Variants in UPF1 observed in about 807,000 individuals in gnomAD.
The protein encoded by UPF1 is UPF1 RNA helicase and ATPase.
A neutral mutation model predicts 129.2 loss-of-function variants in UPF1; 9 were observed. That is an observed-to-expected ratio of 0.07 (90% CI 0.04 to 0.12). The LOEUF is 0.12. UPF1 is among the 10% of genes least tolerant of loss of function. The pLI, the probability that UPF1 is intolerant of heterozygous loss-of-function variation, is 1.00. For missense variants in UPF1, 788 were observed against 1,525.3 expected (o/e 0.52, Z 8.05); for synonymous variants, 649 against 644.9 (o/e 1.01, Z -0.10).
Position 18,853,042 on chromosome 19 carries a change from C to T in UPF1, c.1028C>T (p.Ala343Val). ...WDLGLNKKRI[A>V]YFTLPKTDSD... is the part of the protein sequence containing the mutation. ...CTGGGCCTTAACAAGAAGAGAATCG[C>T]CTACTTCACTTTGCCCAAGACTGAC... is the stretch of plus-strand genomic sequence containing the variant. Residue 343 changes from alanine to valine, a missense_variant, in exon 7 of 24, where the codon GCC (alanine) becomes GTC (valine). By Grantham distance (64) the Ala-to-Val change is moderately conservative. Around this residue, in one of 6 missense-constraint regions of UPF1, gnomAD observed 227 missense variants for 517.9 expected, o/e 0.44. Transcript: ENST00000262803. The surrounding 1 kb of genome is among the most constrained non-coding windows in gnomAD (Gnocchi z 4.4). 6.2e-7 allele frequency: 1 copy of T among 1,614,092 alleles called. No individual in the cohort carries two copies. The highest frequency in any genetic ancestry group is 8.5e-7 in the Non-Finnish European group (1 of 1,180,014).
intron 2 of UPF1, 39 bp from the exon 3 acceptor site, chr19:18,847,705 A>C: frequency 6.3e-7 from 1 of 1,595,812 alleles, no homozygotes; most frequent in Non-Finnish European, 8.6e-7. Flanking sequence ...ACCAGAGAGC[A>C]AGCTTCCAGC....
At chr19:18,835,788 A>C (rs992218441) in intron 1 of UPF1, among the ~76,000 whole-genome samples, 7 of 152,170 alleles carry the variant, frequency 4.6e-5, no homozygotes. Flanking sequence ...TGCTGTGGCC[A>C]TGAGTGTACA....
chr19:18,838,524 T>A (rs535625424), intron 1 of UPF1, among the ~76,000 whole-genome samples: 41 of 152,286 alleles, frequency 2.7e-4, no homozygotes, highest in Non-Finnish European at 4.9e-4. Flanking sequence ...GGCACATGCC[T>A]GTAATCCCAG....
chr19:18,857,581 C>G, intron 15 of UPF1, 48 bp downstream of exon 15: 3 of 1,524,124 alleles, frequency 2.0e-6, no homozygotes, highest in Non-Finnish European at 2.6e-6. Context: ...GAAGCGGCAT[C>G]AAGGGAATGT....
chr19:18,863,929 G>T (rs748550626), intron 19 of UPF1, among the ~76,000 whole-genome samples: 2 of 152,150 alleles, frequency 1.3e-5, no homozygotes, highest in African/African-American at 2.4e-5. Flanking sequence ...TGGTAGTGAG[G>T]GGGTGTGAAG....
Position 18,860,853 on chromosome 19 carries a change from C to T in UPF1, c.2328C>T (p.Ile776=). ...NRTEAANVEK[I]TTKLLKAGAK... The stretch of plus-strand genomic sequence containing the variant: ...CCGAGGCTGCGAACGTGGAGAAGAT[C>T]ACCACGAAGTTGCTGAAGGCAGGCG... Residue 776 remains isoleucine, a synonymous_variant, in exon 17 of 24, where the codon ATC becomes ATT. Coordinates refer to ENST00000262803, the MANE Select transcript of UPF1 (RefSeq NM_002911.4). 3 of 1,612,216 alleles carry T rather than the reference C, an allele frequency of 1.9e-6. No homozygotes were observed. Among genetic ancestry groups the T allele is most frequent in the South Asian group, 1.1e-5 (1 of 90,792 alleles).
chr19:18,865,987 G>A lies in UPF1; in HGVS notation c.3238-57G>A, dbSNP rs1222591966. ...TTTTCTCTGGGGCTGCTGAGGGCTG[G>A]GTGGATGTGAGCACCCTTGGCCTGT... On this transcript the variant is annotated intron_variant, in intron 22 of 23. Coordinates refer to ENST00000262803, the MANE Select transcript of UPF1 (RefSeq NM_002911.4). The surrounding 1 kb of genome is among the most constrained non-coding windows in gnomAD (Gnocchi z 6.1). 2 of 1,608,820 alleles carry A rather than the reference G, an allele frequency of 1.2e-6. No homozygotes were observed. Among genetic ancestry groups the A allele is most frequent in the Admixed American group, 1.7e-5 (1 of 58,420 alleles).
At position 18,867,665 on chromosome 19, in the gene UPF1, G is replaced by C. The variant is rs1478911228; in HGVS notation, c.*1148G>C. The C allele has an allele frequency of 6.5e-6, 1 of 152,698 alleles. No homozygotes were observed. The highest frequency in any genetic ancestry group is 1.5e-5 in the Non-Finnish European group (1 of 68,432). The allele number at this position is 152,698 out of a possible 1,614,324, so 9.5% of individuals were successfully genotyped here. ...CTGATGGGGTGATTGCTGCTTCTGG[G>C]GGGTAAGGAAACAAGTTACAGAAAT... On this transcript the variant is annotated 3_prime_UTR_variant, in exon 24 of 24. Coordinates refer to ENST00000262803, the MANE Select transcript of UPF1 (RefSeq NM_002911.4).
Position 18,856,196 on chromosome 19 carries a change from C to G in UPF1, c.1720C>G (p.Leu574Val). The G allele has an allele frequency of 6.2e-7, 1 of 1,609,294 alleles. No individual in the cohort carries two copies. Among genetic ancestry groups the G allele is most frequent in the Non-Finnish European group, 8.5e-7 (1 of 1,176,264 alleles). Residue 574 changes from leucine (L) to valine (V), a missense_variant, in exon 13 of 24, where the codon CTG becomes GTG. Coordinates refer to ENST00000262803, the MANE Select transcript of UPF1 (RefSeq NM_002911.4). The part of the protein sequence containing the change: ...QIRNMDSMPE[L>V]QKLQQLKDET... Reference sequence around the variant, plus strand: ...TGCATGTGCTTCCAGCATGCCTGAGCTGCAGAAGCTGCAGCAGCTGAAAGA... The same window carrying G: ...TGCATGTGCTTCCAGCATGCCTGAGGTGCAGAAGCTGCAGCAGCTGAAAGA...
Position 18,853,332 on chromosome 19 carries a change from G to A in UPF1, c.1138G>A (p.Val380Ile). Residue 380 changes from valine to isoleucine, a missense_variant, in exon 8 of 24, where the codon GTC becomes ATC. Transcript: ENST00000262803. This position sits in a 1 kb window ranked among gnomAD's most constrained non-coding sequence, Gnocchi z 4.4. ...LAPLWKGIGH[V>I]IKVPDNYGDE... ...GCCCCTGTGGAAAGGGATCGGCCAC[G>A]TCATCAAGGTCCCTGATAGTATCCT... 1.2e-6 allele frequency: 2 copies of A among 1,611,402 alleles called. No individual in the cohort carries two copies. The highest frequency in any genetic ancestry group is 1.7e-6 in the Non-Finnish European group (2 of 1,178,572).
At position 18,855,043 on chromosome 19, in the gene UPF1, G is replaced by A. The variant is rs781590949; in HGVS notation, c.1425+5G>A. On this transcript the variant is annotated splice_donor_5th_base_variant and intron_variant, in intron 10 of 23. Coordinates refer to ENST00000262803, the MANE Select transcript of UPF1 (RefSeq NM_002911.4). The stretch of plus-strand genomic sequence containing the variant: ...CCCGACCTCAACCACTCCCAGGTGC[G>A]CGCCGTCCTCAGCGCGCGGGGCCTC... 1.9e-6 allele frequency: 3 copies of A among 1,613,594 alleles called. No homozygotes were observed.
chr19:18,845,209 C>T (rs1374041848), intron 1 of UPF1, among the ~76,000 whole-genome samples: 1 of 152,208 alleles, frequency 6.6e-6, no homozygotes, highest in Non-Finnish European at 1.5e-5. Context: ...TCTGCCATGA[C>T]ACAGTGCTCC....
chr19:18,836,914 C>T (rs1462766393), intron 1 of UPF1, among the ~76,000 whole-genome samples: 14 of 147,612 alleles, frequency 9.5e-5, no homozygotes, highest in Admixed American at 4.0e-4. Flanking sequence ...CTACCATGCC[C>T]GGCTAATTTT....
Position 18,856,298 on chromosome 19 carries a change from A to G in UPF1, c.1822A>G (p.Met608Val). 1 of 1,591,272 alleles carries G rather than the reference A, an allele frequency of 6.3e-7. No individual in the cohort carries two copies. The part of the protein sequence containing the change: ...LKRTAERELL[M>V]NADVICCTCV... ...GCGCACCGCAGAGAGAGAGCTGCTG[A>G]TGGTGAGTGCCCCTCCTGCCTGCAA... is the stretch of plus-strand genomic sequence containing the variant. The change falls in exon 13 of 24, where the codon ATG (methionine) becomes GTG (valine). Residue 608 changes from methionine to valine, a missense_variant and splice_region_variant. Around this residue, in one of 6 missense-constraint regions of UPF1, gnomAD observed 91 missense variants for 157.2 expected, o/e 0.58. Coordinates refer to ENST00000262803, the MANE Select transcript of UPF1 (RefSeq NM_002911.4).
In UPF1 at chr19:18,865,075, C is replaced by T. The variant is rs989303620; in HGVS notation, c.2858-214C>T. Among the ~76,000 whole-genome samples, 1 of 152,208 alleles carries T rather than the reference C, an allele frequency of 6.6e-6. No individual in the cohort carries two copies. The highest frequency in any genetic ancestry group is 6.5e-5 in the Admixed American group (1 of 15,282). On this transcript the variant is annotated intron_variant, in intron 20 of 23. Coordinates refer to ENST00000262803, the MANE Select transcript of UPF1 (RefSeq NM_002911.4). This position sits in a 1 kb window ranked among gnomAD's most constrained non-coding sequence, Gnocchi z 6.1. ...TAAGATCTGTGTAGGCCAATGATTC[C>T]CAGCAGACTCTCCTCGGGGAAGGTG...
chr19:18,855,929 G>T lies in UPF1; in HGVS notation c.1549G>T (p.Val517Leu). 6.2e-7 allele frequency: 1 copy of T among 1,613,730 alleles called. No individual in the cohort carries two copies. The highest frequency in any genetic ancestry group is 8.5e-7 in the Non-Finnish European group (1 of 1,180,004). ...YHLARQGNGP[V>L]LVCAPSNIAV... is the part of the protein sequence containing the mutation. Reference sequence around the variant, plus strand: ...GCTGCCCCAATGGTGTTGCAGGCCGGTGCTGGTGTGTGCTCCGAGCAACAT... The same window carrying T: ...GCTGCCCCAATGGTGTTGCAGGCCGTTGCTGGTGTGTGCTCCGAGCAACAT... Residue 517 changes from valine to leucine, a missense_variant, in exon 12 of 24, where the codon GTG becomes TTG. Val to Leu is a conservative substitution (Grantham distance 32). Transcript: ENST00000262803.
At position 18,867,029 on chromosome 19, in the gene UPF1, C is replaced by T. The variant is rs570444155; in HGVS notation, c.*512C>T. ...TCGCGCTGCCTGTGTTCTCCGAGGG[C>T]CTTCATTTAAAGAAAATAAGGGTGT... On this transcript the variant is annotated 3_prime_UTR_variant, in exon 24 of 24. Coordinates refer to ENST00000262803, the MANE Select transcript of UPF1 (RefSeq NM_002911.4). 11 of 152,642 alleles carry T rather than the reference C, an allele frequency of 7.2e-5. No homozygotes were observed. The highest frequency in any genetic ancestry group is 1.3e-4 in the Admixed American group (2 of 15,284). The allele number at this position is 152,642 out of a possible 1,614,324, so 9.5% of individuals were successfully genotyped here. A position where few individuals can be genotyped will look rare whatever the true frequency, so the allele number is the denominator to read the frequency against.
chr19:18,834,545 G>A (rs2055463429), intron 1 of UPF1, among the ~76,000 whole-genome samples: 2 of 152,154 alleles, frequency 1.3e-5, no homozygotes, highest in Non-Finnish European at 2.9e-5. Flanking sequence ...GAGCTCACTA[G>A]AATTCTGACG....
rs553200821 is a variant in UPF1, at chr19:18,851,761, C to G, written c.811-374C>G. 3.9e-5 allele frequency among the ~76,000 whole-genome samples: 6 copies of G among 152,244 alleles called. No homozygotes were observed. Among genetic ancestry groups the G allele is most frequent in the African/African-American group, 4.8e-5 (2 of 41,468 alleles). ...GCCTGCGAGGCGGGTTAGCTGCTCT[C>G]GTTCACAAGCTGGGCATACTTGGAG... On this transcript the variant is annotated intron_variant, in intron 5 of 23. Transcript: ENST00000262803. The surrounding 1 kb of genome is among the most constrained non-coding windows in gnomAD (Gnocchi z 4.2).
Sources: gnomAD v4.1 joint callset for allele counts (sites outside exome capture counted in the v4.1 genomes callset) on GRCh38, gnomAD v4.1.1 for gene constraint, gnomAD v4.1.1 regional missense constraint, Gnocchi (gnomAD v3.1) non-coding constraint, MANE v1.5 for transcripts, NCBI Gene and HGNC (gene_info 2026-07-23, HGNC 2026-07-21) for gene names.